Variants in CENPC observed in about 807,000 individuals in gnomAD.
CENPC encodes CENP-C 1.
Under a neutral mutation model 112.1 loss-of-function variants are expected in CENPC, and 63 were observed. The observed-to-expected ratio is 0.56, with a 90% CI of 0.46 to 0.69. CENPC has a LOEUF of 0.69. Ranked by LOEUF, CENPC falls within the 30% of genes least tolerant of loss-of-function variation. The probability of loss-of-function intolerance (pLI) is 0.00; values close to 1 mark genes in which losing one functional copy is unlikely to be tolerated. For missense variants in CENPC, 1,000 were observed against 1,103.8 expected, an observed-to-expected ratio of 0.91 and a Z score of 1.33; for synonymous variants, 333 against 367.6, an observed-to-expected ratio of 0.91 and a Z score of 1.08.
At chr4:67,518,106 A>C (rs1196699073) in intron 7 of CENPC, 50 bp downstream of exon 7, 7 of 1,025,430 alleles carry the variant, frequency 6.8e-6, no homozygotes, top group Non-Finnish European at 9.9e-6. Context: ...TATATGGTTC[A>C]TAGAATATAA....
At chr4:67,523,772 C>T (rs1215153542) in intron 5 of CENPC, among the ~76,000 whole-genome samples, 1 of 152,066 alleles carries the variant, frequency 6.6e-6, no homozygotes, top group East Asian at 1.9e-4. Context: ...TTTCTAATAA[C>T]ATTACCCAGT....
intron 17 of CENPC, among the ~76,000 whole-genome samples, chr4:67,482,319 A>C (rs749423214): frequency 4.6e-5 from 7 of 152,224 alleles, no homozygotes; most frequent in Non-Finnish European, 8.8e-5. Flanking sequence ...GTGGGAATGT[A>C]AACTAGTACA....
At chr4:67,531,965 A>C (rs868664133) in intron 4 of CENPC, among the ~76,000 whole-genome samples, 1 of 152,246 alleles carries the variant, frequency 6.6e-6, no homozygotes, top group African/African-American at 2.4e-5. Flanking sequence ...GGCAACCTAC[A>C]GAATGGAAGA....
chr4:67,489,742 C>T (rs1230954145), intron 17 of CENPC, among the ~76,000 whole-genome samples: 12 of 151,994 alleles, frequency 7.9e-5, no homozygotes, highest in Admixed American at 7.9e-4. Flanking sequence ...AAGAACATTC[C>T]TTAAATTTCT....
In CENPC at chr4:67,514,097, G is replaced by T. The variant is rs529828770; in HGVS notation, c.1421C>A (p.Ser474Tyr). The T allele has an allele frequency of 4.8e-5, 77 of 1,595,044 alleles. No homozygotes were observed. Among genetic ancestry groups the T allele is most frequent in the Admixed American group, 3.9e-4 (22 of 57,100 alleles). Reference protein sequence around the residue: ...EHEEMGNDCVSKKQMPPVGSK... With the variant: ...EHEEMGNDCVYKKQMPPVGSK... ...ACCCACAGGTGGCATCTGTTTTTTG[G>T]AAACACAATCATTTCCCATCTCTTC... Residue 474 changes from serine to tyrosine, a missense_variant, in exon 8 of 19, where the codon TCC becomes TAC. Ser to Tyr is a moderately radical substitution (Grantham distance 144). Coordinates refer to ENST00000273853, the MANE Select transcript of CENPC (RefSeq NM_001812.4).
chr4:67,522,272 T>C (rs987426376), intron 5 of CENPC, among the ~76,000 whole-genome samples: 4 of 152,344 alleles, frequency 2.6e-5, no homozygotes, highest in Middle Eastern at 3.4e-3. Context: ...GTCTGCATAA[T>C]ATAACTTCTT....
chr4:67,539,341 T>C (rs901216617), intron 4 of CENPC, among the ~76,000 whole-genome samples: 7 of 152,206 alleles, frequency 4.6e-5, no homozygotes, highest in African/African-American at 1.4e-4. Context: ...CTAATTAGTA[T>C]TGTGCTTTTG....
intron 5 of CENPC, among the ~76,000 whole-genome samples, chr4:67,524,749 A>G (rs189851581): frequency 1.3e-5 from 2 of 152,316 alleles, no homozygotes; most frequent in Admixed American, 6.5e-5. Context: ...AAATGGCCAC[A>G]CTGTGCAAAG....
chr4:67,497,159 C>A (rs1725456587), intron 12 of CENPC, among the ~76,000 whole-genome samples: 1 of 151,992 alleles, frequency 6.6e-6, no homozygotes, highest in Non-Finnish European at 1.5e-5. Context: ...GCAGGTAGAT[C>A]AGGAGGTCAG....
At chr4:67,526,740 T>C (rs1726391725) in intron 5 of CENPC, among the ~76,000 whole-genome samples, 1 of 152,064 alleles carries the variant, frequency 6.6e-6, no homozygotes, top group Non-Finnish European at 1.5e-5. Flanking sequence ...CTTACTTAAA[T>C]ACAAAAATCC....
Position 67,471,114 on chromosome 4 carries a change from A to C in CENPC, c.*1491T>G, listed in dbSNP as rs924185400. 6.6e-6 allele frequency: 1 copy of C among 152,188 alleles called. No homozygotes were observed. Among genetic ancestry groups the C allele is most frequent in the African/African-American group, 2.4e-5 (1 of 41,444 alleles). The allele number at this position is 152,188 out of a possible 1,614,324, so 9.4% of individuals were successfully genotyped here. ...CCAACAGTGGGTGGAAGGCTTATAG[A>C]CTCAAGTGTTTGATCTTAACCTTTG... On this transcript the variant is annotated 3_prime_UTR_variant, in exon 19 of 19. Coordinates refer to ENST00000273853, the MANE Select transcript of CENPC (RefSeq NM_001812.4).
At chr4:67,472,913 G>A (rs772102085) in intron 18 of CENPC, among the ~76,000 whole-genome samples, 9 of 152,108 alleles carry the variant, frequency 5.9e-5, no homozygotes, top group African/African-American at 1.2e-4. Context: ...AAATAAATAC[G>A]GAGATGAATC....
chr4:67,486,968 G>GTTTTTTTT lies in CENPC; in HGVS notation c.2670+2991_2670+2998dup, dbSNP rs58948980. Among the ~76,000 whole-genome samples the GTTTTTTTT allele has an allele frequency of 3.8e-5, 5 of 131,816 alleles. 1 individual carries two copies. Among genetic ancestry groups the GTTTTTTTT allele is most frequent in the Non-Finnish European group, 4.7e-5 (3 of 63,740 alleles). 86.5% of individuals were successfully genotyped at this position (131,816 alleles called of 152,430 possible). ...ATTCAGGTTTTGTATTTGCTTTTAG[G>GTTTTTTTT]TTTTTTTTTTTTTTTTTCTTTTTTA... On this transcript the variant is annotated intron_variant, in intron 17 of 18. Coordinates refer to ENST00000273853, the MANE Select transcript of CENPC (RefSeq NM_001812.4).
chr4:67,516,122 C>T (rs1726050898), intron 7 of CENPC, among the ~76,000 whole-genome samples: 1 of 151,880 alleles, frequency 6.6e-6, no homozygotes, highest in African/African-American at 2.4e-5. Context: ...TAAGAACATA[C>T]AAAGAGATTC....
chr4:67,510,847 T>C (rs1251682651), intron 9 of CENPC: 2 of 372,494 alleles, frequency 5.4e-6, no homozygotes, highest in African/African-American at 4.2e-5. Context: ...TATATAAAGA[T>C]TCCTCCACTT....
At chr4:67,490,790 A>T (rs1725227396) in intron 16 of CENPC, among the ~76,000 whole-genome samples, 1 of 148,336 alleles carries the variant, frequency 6.7e-6, no homozygotes, top group Admixed American at 6.8e-5. Flanking sequence ...GTTTCCCAGG[A>T]TATTTGGGAA....
In CENPC at chr4:67,506,734, T is replaced by C. The variant is rs192046313; in HGVS notation, c.2051+54A>G. ...AATAAAGTTCTTGGGTAATCTGTTA[T>C]ACAGCAATGGGTAACTAATATATAC... On this transcript the variant is annotated intron_variant, in intron 11 of 18. Transcript: ENST00000273853. 11 of 1,352,874 alleles carry C rather than the reference T, an allele frequency of 8.1e-6. No homozygotes were observed. The African/African-American group carries it at 1.0e-4, about 13-fold the overall frequency. The allele number at this position is 1,352,874 out of a possible 1,614,324, so 83.8% of individuals were successfully genotyped here. A position where few individuals can be genotyped will look rare whatever the true frequency, so the allele number is the denominator to read the frequency against.
chr4:67,520,618 G>A (rs938254729), intron 5 of CENPC, among the ~76,000 whole-genome samples: 2 of 152,084 alleles, frequency 1.3e-5, no homozygotes, highest in African/African-American at 4.8e-5. Context: ...GCACCAACAG[G>A]AACTGAGCTA....
chr4:67,506,155 T>C (rs1330291606), intron 11 of CENPC, among the ~76,000 whole-genome samples: 1 of 152,178 alleles, frequency 6.6e-6, no homozygotes, highest in African/African-American at 2.4e-5. Context: ...AAAGGTTATA[T>C]GACATCAGAT....
Sources: gnomAD v4.1 joint callset for allele counts (sites outside exome capture counted in the v4.1 genomes callset) on GRCh38, gnomAD v4.1.1 for gene constraint, MANE v1.5 for transcripts, NCBI Gene and HGNC (gene_info 2026-07-23, HGNC 2026-07-21) for gene names.